Variants in DIAPH3 observed in about 807,000 individuals in gnomAD.
DIAPH3 encodes diaphanous related formin 3.
DIAPH3 carries 117 observed loss-of-function variants against 144.3 expected under a neutral mutation model. The observed-to-expected ratio is 0.81, with a 90% CI of 0.70 to 0.95. The LOEUF is 0.95. Ranked by LOEUF, DIAPH3 falls within the 40% of genes least tolerant of loss-of-function variation. The pLI is 0.00. For synonymous variants in DIAPH3, 519 were observed against 488.9 expected, an observed-to-expected ratio of 1.06 and a Z score of -0.81; for missense variants, 1,421 against 1,412.7, an observed-to-expected ratio of 1.01 and a Z score of -0.09.
intron 25 of DIAPH3, among the ~76,000 whole-genome samples, chr13:59,796,279 G>A (rs2039597000): frequency 6.6e-6 from 1 of 152,112 alleles, no homozygotes; most frequent in Non-Finnish European, 1.5e-5. Flanking sequence ...CTCGATCACG[G>A]GAGGCCACTC....
intron 20 of DIAPH3, among the ~76,000 whole-genome samples, chr13:59,881,474 A>T (rs1208797461): frequency 6.6e-6 from 1 of 152,196 alleles, no homozygotes; most frequent in Non-Finnish European, 1.5e-5. Flanking sequence ...ATTACGAAAT[A>T]TATTAATTCT....
chr13:60,010,415 A>C, intron 8 of DIAPH3, 118 bp downstream of exon 8: 7 of 1,053,146 alleles, frequency 6.6e-6, no homozygotes, highest in Non-Finnish European at 8.1e-6. Context: ...GCTTAAATAT[A>C]CCTCAACATT....
At chr13:59,898,134 CAAAAAAAAAA>C (rs34238599) in intron 20 of DIAPH3, among the ~76,000 whole-genome samples, 15 of 72,192 alleles carry the variant, frequency 2.1e-4, no homozygotes, top group African/African-American at 8.9e-4. Context: ...GACTCTGCCT[CAAAAAAAAAA>C]AAAAAAAAAA....
Position 60,048,968 on chromosome 13 carries a change from GA to G in DIAPH3, c.496-6149del, listed in dbSNP as rs1368622358. Among the ~76,000 whole-genome samples, 6 of 152,222 alleles carry G rather than the reference GA, an allele frequency of 3.9e-5. No homozygotes were observed. The East Asian group carries it at 1.2e-3, about 29-fold the overall frequency. ...AAGTGTTAAGCAGGAGGAAAAAAATGAAAAAAATCTACGATGTATGGAATAC... is the reference window on the plus strand; with the variant it reads ...AAGTGTTAAGCAGGAGGAAAAAAATGAAAAAATCTACGATGTATGGAATAC... On this transcript the variant is annotated intron_variant, in intron 4 of 27. Transcript: ENST00000400324.
At chr13:60,033,863 T>A (rs1459622366) in intron 5 of DIAPH3, among the ~76,000 whole-genome samples, 1 of 152,220 alleles carries the variant, frequency 6.6e-6, no homozygotes, top group Non-Finnish European at 1.5e-5. Context: ...ATCATCAATC[T>A]AATTGACGGA....
In DIAPH3 at chr13:59,810,882, T is replaced by C. The variant is rs2040434390; in HGVS notation, c.3069A>G (p.Glu1023=). The change falls in exon 25 of 28, where the codon GAA becomes GAG. Residue 1023 remains glutamate, a synonymous_variant. Coordinates refer to ENST00000400324, the MANE Select transcript of DIAPH3 (RefSeq NM_001042517.2). Reference sequence around the variant, plus strand: ...TAGCTATTCTGACACGTTTTTCTTTTTCCTCTGCTTCTCTTTTTTTGATAT... The same window carrying C: ...TAGCTATTCTGACACGTTTTTCTTTCTCCTCTGCTTCTCTTTTTTTGATAT... The part of the protein sequence containing the change: ...KENIKKREAE[E]KEKRVRIAKE... 6.2e-7 allele frequency: 1 copy of C among 1,611,272 alleles called. No homozygotes were observed. Among genetic ancestry groups the C allele is most frequent in the Non-Finnish European group, 8.5e-7 (1 of 1,179,456 alleles).
intron 21 of DIAPH3, among the ~76,000 whole-genome samples, chr13:59,873,416 TGTGA>T (rs1404195490): frequency 6.6e-6 from 1 of 152,174 alleles, no homozygotes; most frequent in Non-Finnish European, 1.5e-5. Flanking sequence ...TGTTAACTTG[TGTGA>T]GTGTGACAGG....
chr13:59,928,281 T>C (rs79469540), intron 17 of DIAPH3, among the ~76,000 whole-genome samples: 5,576 of 152,230 alleles, frequency 0.037, 134 homozygotes, highest in East Asian at 0.074. Context: ...TTCTAATCAA[T>C]TGTTTTCCTG....
chr13:59,728,783 G>GA (rs2035730667), intron 27 of DIAPH3, among the ~76,000 whole-genome samples: 1 of 151,968 alleles, frequency 6.6e-6, no homozygotes, highest in Non-Finnish European at 1.5e-5. Flanking sequence ...ATATTTAATG[G>GA]AAAAAAGTAC....
Position 59,665,743 on chromosome 13 carries a change from A to C in DIAPH3, c.*841T>G, listed in dbSNP as rs2031976419. 1 of 152,656 alleles carries C rather than the reference A, an allele frequency of 6.6e-6. No individual in the cohort carries two copies. The highest frequency in any genetic ancestry group is 6.5e-5 in the Admixed American group (1 of 15,282). The allele number at this position is 152,656 out of a possible 1,614,324, so 9.5% of individuals were successfully genotyped here. A position where few individuals can be genotyped will look rare whatever the true frequency, so the allele number is the denominator to read the frequency against. On this transcript the variant is annotated 3_prime_UTR_variant, in exon 28 of 28. Coordinates refer to ENST00000400324, the MANE Select transcript of DIAPH3 (RefSeq NM_001042517.2). ...AGTTATTGATTGTCAGATCAGAGAA[A>C]TTGCAATCCCAAGTTTATTCATAAA...
intron 4 of DIAPH3, among the ~76,000 whole-genome samples, chr13:60,064,388 G>C (rs1426284694): frequency 6.6e-6 from 1 of 152,188 alleles, no homozygotes; most frequent in African/African-American, 2.4e-5. Flanking sequence ...AATGATCTTA[G>C]TTACACCTTC....
At chr13:60,009,389 A>C (rs185566086) in intron 8 of DIAPH3, among the ~76,000 whole-genome samples, 3 of 152,240 alleles carry the variant, frequency 2.0e-5, no homozygotes, top group Middle Eastern at 3.4e-3. Flanking sequence ...GGAAGGGAAA[A>C]GAAAAGCAAG....
At chr13:59,945,236 A>G (rs1566553773) in intron 17 of DIAPH3, among the ~76,000 whole-genome samples, 3 of 152,130 alleles carry the variant, frequency 2.0e-5, no homozygotes, top group Non-Finnish European at 4.4e-5. Flanking sequence ...AGGACCTTCC[A>G]TGACTATCCT....
chr13:60,156,540 T>C (rs1952029779), intron 1 of DIAPH3, among the ~76,000 whole-genome samples: 1 of 152,098 alleles, frequency 6.6e-6, no homozygotes, highest in African/African-American at 2.4e-5. Context: ...AGACAAAGTT[T>C]ATCTGGGCTT....
At chr13:59,713,042 G>C (rs1430954115) in intron 27 of DIAPH3, among the ~76,000 whole-genome samples, 1 of 152,156 alleles carries the variant, frequency 6.6e-6, no homozygotes, top group Admixed American at 6.5e-5. Flanking sequence ...AGGAGGCGGA[G>C]CTCAGTGGGT....
At chr13:59,750,532 G>A (rs1338578332) in intron 27 of DIAPH3, among the ~76,000 whole-genome samples, 1 of 152,124 alleles carries the variant, frequency 6.6e-6, no homozygotes, top group Non-Finnish European at 1.5e-5. Context: ...TTTCAAAAGG[G>A]TCTGCTCTCG....
intron 19 of DIAPH3, 128 bp from the exon 20 acceptor site, chr13:59,911,964 C>T: frequency 1.3e-6 from 1 of 752,978 alleles, no homozygotes; most frequent in South Asian, 1.7e-5. Context: ...GGTAACCTCC[C>T]TCCTAATAAG....
At chr13:59,874,919 A>G (rs2044517094) in intron 21 of DIAPH3, among the ~76,000 whole-genome samples, 1 of 152,188 alleles carries the variant, frequency 6.6e-6, no homozygotes. Flanking sequence ...AAACATTATT[A>G]AACACATGTT....
chr13:59,958,278 A>G (rs2049523206), intron 17 of DIAPH3, among the ~76,000 whole-genome samples: 1 of 152,182 alleles, frequency 6.6e-6, no homozygotes, highest in Admixed American at 6.5e-5. Context: ...GTAACATTTG[A>G]ACTAGGAAAA....
Sources: gnomAD v4.1 joint callset for allele counts (sites outside exome capture counted in the v4.1 genomes callset) on GRCh38, gnomAD v4.1.1 for gene constraint, MANE v1.5 for transcripts, NCBI Gene and HGNC (gene_info 2026-07-23, HGNC 2026-07-21) for gene names.